Variants in FOXP1 observed in about 807,000 individuals in gnomAD.
The protein encoded by FOXP1 is forkhead box P1, also known as forkhead box protein P1.
FOXP1 carries 15 observed loss-of-function variants against 98.2 expected under a neutral mutation model. The observed-to-expected ratio is 0.15, with a 90% CI of 0.10 to 0.24. The LOEUF (loss-of-function observed/expected upper bound fraction) is 0.24, where lower values mean the gene tolerates loss of function less well. Among genes scored for constraint, FOXP1 ranks in the 10% least tolerant of loss-of-function variants. FOXP1 has a pLI of 1.00. For synonymous variants in FOXP1, 371 were observed against 314.5 expected (o/e 1.18, Z -1.90); for missense variants, 633 against 848.5 (o/e 0.75, Z 3.15).
At position 71,285,019 on chromosome 3, in the gene FOXP1, GA is replaced by G. The variant is rs764402115; in HGVS notation, c.-12+14800del. Among the ~76,000 whole-genome samples the G allele has an allele frequency of 3.3e-5, 5 of 151,916 alleles. No homozygotes were observed. The East Asian group carries it at 9.7e-4, about 29-fold the overall frequency. On this transcript the variant is annotated intron_variant, in intron 5 of 20. Coordinates refer to ENST00000649528, the MANE Select transcript of FOXP1 (RefSeq NM_001349338.3). ...CTATTCTATGTATGTAACATACATA[GA>G]ATATTATAATGAGAACTTAGTTAAT...
intron 7 of FOXP1, among the ~76,000 whole-genome samples, chr3:71,104,174 C>T (rs1012244904): frequency 4.6e-5 from 7 of 152,138 alleles, no homozygotes; most frequent in Admixed American, 2.6e-4. Flanking sequence ...AAGCCTGACT[C>T]GCCCAGGCCT....
At chr3:70,993,244 T>G (rs539185560) in intron 13 of FOXP1, among the ~76,000 whole-genome samples, 1 of 151,500 alleles carries the variant, frequency 6.6e-6, no homozygotes, top group Non-Finnish European at 1.5e-5. Context: ...ATTTGGGAGA[T>G]GTTGGAGTGA....
intron 5 of FOXP1, among the ~76,000 whole-genome samples, chr3:71,257,439 G>T (rs1408358846): frequency 6.6e-6 from 1 of 151,994 alleles, no homozygotes; most frequent in Non-Finnish European, 1.5e-5. Context: ...ATAAAAAATA[G>T]CCGAGGGTGG....
chr3:71,009,367 A>G (rs971525617), intron 12 of FOXP1, among the ~76,000 whole-genome samples: 2 of 152,024 alleles, frequency 1.3e-5, no homozygotes, highest in African/African-American at 2.4e-5. Flanking sequence ...TTCCTTACGC[A>G]TGGTCAACGG....
chr3:70,979,947 T>C (rs1575827353), intron 14 of FOXP1, among the ~76,000 whole-genome samples: 1 of 152,106 alleles, frequency 6.6e-6, no homozygotes, highest in South Asian at 2.1e-4. Context: ...GAGCTTTGAG[T>C]TGTGCTTTCC....
chr3:71,237,292 A>C (rs2066884692), intron 5 of FOXP1, among the ~76,000 whole-genome samples: 1 of 149,762 alleles, frequency 6.7e-6, no homozygotes, highest in Non-Finnish European at 1.5e-5. Flanking sequence ...TATATCCAAA[A>C]TGTTTTAATT....
At chr3:71,573,799 C>T (rs2047521410) in intron 2 of FOXP1, 1 of 152,120 alleles carries the variant, frequency 6.6e-6, no homozygotes, top group Non-Finnish European at 1.5e-5. Context: ...AGCTTCTTTC[C>T]AAATAATTAA....
rs1451379587 is a variant in FOXP1 at position 71,383,302 on chromosome 3, T to G, written c.-167-24058A>C. On this transcript the variant is annotated intron_variant, in intron 3 of 20. Coordinates refer to ENST00000649528, the MANE Select transcript of FOXP1 (RefSeq NM_001349338.3). ...GGAAGAATTCATTATCAGAGAAGAC[T>G]CGATTAAAGAATGACATATAAAGTG... Among the ~76,000 whole-genome samples, 4 of 152,280 alleles carry G rather than the reference T, an allele frequency of 2.6e-5. No individual in the cohort carries two copies. In the East Asian group the frequency reaches 7.7e-4, roughly 29 times the overall value.
rs139413807 is a variant in FOXP1, at chr3:71,162,088, G to C, written c.180+36114C>G. On this transcript the variant is annotated intron_variant, in intron 6 of 20. Transcript: ENST00000649528. ...TCAAAAAGAATAATGATAGCCACAGGCCAATCGAAGTAGACACCAAGCATA... is the reference window on the plus strand; with the variant it reads ...TCAAAAAGAATAATGATAGCCACAGCCCAATCGAAGTAGACACCAAGCATA... Among the ~76,000 whole-genome samples the C allele has an allele frequency of 4.1e-4, 62 of 152,296 alleles. 1 individual carries two copies. The East Asian group carries it at 0.01, about 25-fold the overall frequency.
chr3:71,088,866 T>G (rs2055459193), intron 7 of FOXP1, among the ~76,000 whole-genome samples: 1 of 152,182 alleles, frequency 6.6e-6, no homozygotes, highest in Admixed American at 6.5e-5. Flanking sequence ...GTGCAGTTCA[T>G]CTCTTTTGTC....
intron 3 of FOXP1, among the ~76,000 whole-genome samples, chr3:71,387,926 T>C (rs2080718949): frequency 6.6e-6 from 1 of 152,226 alleles, no homozygotes; most frequent in Admixed American, 6.5e-5. Flanking sequence ...ACGATGCCAA[T>C]ACCAAACCAA....
intron 10 of FOXP1, among the ~76,000 whole-genome samples, chr3:71,045,740 T>G (rs1349995549): frequency 1.3e-5 from 2 of 152,140 alleles, no homozygotes; most frequent in Non-Finnish European, 2.9e-5. Flanking sequence ...GGACAGAAGT[T>G]GGGTGTGGTG....
At chr3:71,122,387 C>A (rs1395003182) in intron 6 of FOXP1, among the ~76,000 whole-genome samples, 1 of 152,002 alleles carries the variant, frequency 6.6e-6, no homozygotes, top group Non-Finnish European at 1.5e-5. Flanking sequence ...AATAATAATC[C>A]AAAATGCGGA....
At chr3:71,391,784 T>A (rs895661207) in intron 3 of FOXP1, among the ~76,000 whole-genome samples, 5 of 152,228 alleles carry the variant, frequency 3.3e-5, no homozygotes, top group African/African-American at 1.2e-4. Context: ...TAAGAAAATT[T>A]CACTGCAGCA....
intron 3 of FOXP1, among the ~76,000 whole-genome samples, chr3:71,397,191 T>A (rs980537201): frequency 3.3e-5 from 5 of 149,346 alleles, no homozygotes; most frequent in African/African-American, 7.4e-5. Flanking sequence ...CCACTTTATA[T>A]TTTAAATTGT....
intron 4 of FOXP1, among the ~76,000 whole-genome samples, chr3:71,345,299 G>T (rs950291533): frequency 2.6e-5 from 4 of 151,810 alleles, no homozygotes; most frequent in Non-Finnish European, 5.9e-5. Context: ...GAGGCAGGAA[G>T]ATTGCTTGAA....
At chr3:71,228,306 C>T (rs1049314900) in intron 5 of FOXP1, among the ~76,000 whole-genome samples, 15 of 151,374 alleles carry the variant, frequency 9.9e-5, no homozygotes, top group Non-Finnish European at 2.1e-4. Flanking sequence ...TAAATAAAGA[C>T]ATGACAAGCC....
intron 4 of FOXP1, among the ~76,000 whole-genome samples, chr3:71,331,027 C>G (rs2076258309): frequency 6.6e-6 from 1 of 152,264 alleles, no homozygotes; most frequent in African/African-American, 2.4e-5. Context: ...GGTGCCCACT[C>G]TGGCCGCGCT....
At chr3:71,555,339 G>T (rs922929460) in intron 2 of FOXP1, among the ~76,000 whole-genome samples, 19 of 152,222 alleles carry the variant, frequency 1.2e-4, no homozygotes, top group Admixed American at 1.2e-3. Flanking sequence ...TGTTCATAAT[G>T]GTGTGCACAG....
Sources: allele counts gnomAD v4.1 joint callset (sites outside exome capture counted in the v4.1 genomes callset), GRCh38; gene constraint gnomAD v4.1.1; transcripts MANE v1.5; gene names NCBI Gene and HGNC (gene_info 2026-07-23, HGNC 2026-07-21).